Variants in RAF1 observed in about 807,000 individuals in gnomAD.
RAF1 encodes the protein Raf-1 proto-oncogene, serine/threonine kinase.
In RAF1, 27 loss-of-function variants were observed where a neutral mutation model predicts 81.1. The observed-to-expected ratio is 0.33, with a 90% CI of 0.25 to 0.46. RAF1 has a LOEUF of 0.46. Ranked by LOEUF, RAF1 falls within the 20% of genes least tolerant of loss-of-function variation. The probability of loss-of-function intolerance (pLI) is 1.00; values close to 1 mark genes in which losing one functional copy is unlikely to be tolerated. For synonymous variants in RAF1, 298 were observed against 294.0 expected (o/e 1.01, Z -0.14); for missense variants, 598 against 826.0 (o/e 0.72, Z 3.38).
At chr3:12,652,413 C>T (rs1317505347) in intron 1 of RAF1, among the ~76,000 whole-genome samples, 3 of 151,670 alleles carry the variant, frequency 2.0e-5, no homozygotes, top group African/African-American at 7.3e-5. Context: ...CCCAGCTACT[C>T]GGGAGGCTGA....
rs75556973 is a variant in RAF1 at position 12,619,858 on chromosome 3, G to A, written c.-26-1111C>T. ...AGCACTTTGGGAGGCCGAGATGGGC[G>A]GATCACAAGGTCAGGAGATCGAGAC... On this transcript the variant is annotated intron_variant, in intron 1 of 17. Transcript: ENST00000442415. Among the ~76,000 whole-genome samples the A allele has an allele frequency of 1.5e-4, 23 of 152,110 alleles. No homozygotes were observed. The East Asian group carries it at 3.9e-3, about 26-fold the overall frequency.
chr3:12,616,008 G>A (rs1157236087), intron 2 of RAF1, among the ~76,000 whole-genome samples: 4 of 151,760 alleles, frequency 2.6e-5, no homozygotes, highest in African/African-American at 9.7e-5. Flanking sequence ...GCCGAGATTG[G>A]GCCACTGCAC....
intron 1 of RAF1, 102 bp from the exon 2 acceptor site, chr3:12,618,849 T>C (rs942468509): frequency 2.3e-6 from 2 of 876,258 alleles, no homozygotes; most frequent in East Asian, 5.3e-5. Flanking sequence ...TGTGGGTTTT[T>C]AATGATACCT....
In RAF1 at chr3:12,607,270, C is replaced by T. The variant is rs1269928099; in HGVS notation, c.582-971G>A. 2.6e-5 allele frequency among the ~76,000 whole-genome samples: 4 copies of T among 152,146 alleles called. No homozygotes were observed. The South Asian group carries it at 6.2e-4, about 24-fold the overall frequency. On this transcript the variant is annotated intron_variant, in intron 5 of 17. Transcript: ENST00000442415. ...AACAATGCAAGGAAGGTAATATCCC[C>T]TTTATTCAGATGCATGAACGAAAAC... is the stretch of plus-strand genomic sequence containing the variant.
At chr3:12,656,878 T>C (rs2060710918) in intron 1 of RAF1, among the ~76,000 whole-genome samples, 1 of 151,738 alleles carries the variant, frequency 6.6e-6, no homozygotes, top group Admixed American at 6.6e-5. Context: ...ATGCCTGTAA[T>C]CCCTGCTACT....
At chr3:12,612,344 T>G (rs1232656026) in intron 2 of RAF1, among the ~76,000 whole-genome samples, 1 of 151,702 alleles carries the variant, frequency 6.6e-6, no homozygotes, top group Non-Finnish European at 1.5e-5. Context: ...AATAATAGAG[T>G]AAGATTATTT....
intron 2 of RAF1, among the ~76,000 whole-genome samples, chr3:12,617,878 C>CAAAA (rs1263362287): frequency 4.4e-5 from 4 of 90,062 alleles, no homozygotes; most frequent in African/African-American, 1.5e-4. Context: ...GAATCCGTCT[C>CAAAA]AAAAAAAAAA....
chr3:12,635,988 A>C (rs2060016845), intron 1 of RAF1, among the ~76,000 whole-genome samples: 1 of 147,540 alleles, frequency 6.8e-6, no homozygotes, highest in Non-Finnish European at 1.5e-5. Context: ...AAAAAACATT[A>C]ATAATGTTGT....
chr3:12,597,732 T>C (rs2058729207), intron 11 of RAF1, among the ~76,000 whole-genome samples: 1 of 151,988 alleles, frequency 6.6e-6, no homozygotes, highest in African/African-American at 2.4e-5. Flanking sequence ...CTAGGAAACA[T>C]GGCGAAACCC....
chr3:12,600,549 A>G (rs2058830805), intron 8 of RAF1, 134 bp from the exon 8 acceptor site: 5 of 973,552 alleles, frequency 5.1e-6, no homozygotes, highest in East Asian at 5.0e-5. Context: ...AATCCTAAAC[A>G]TACTCTAATC....
chr3:12,612,285 G>A (rs2059236964), intron 2 of RAF1, among the ~76,000 whole-genome samples: 1 of 152,144 alleles, frequency 6.6e-6, no homozygotes, highest in Admixed American at 6.5e-5. Flanking sequence ...ATAATGACCT[G>A]GATGGAGAGG....
intron 8 of RAF1, among the ~76,000 whole-genome samples, chr3:12,602,751 A>G (rs2058900494): frequency 6.6e-6 from 1 of 152,242 alleles, no homozygotes; most frequent in South Asian, 2.1e-4. Flanking sequence ...TAAAATTTAT[A>G]GCTTATACAT....
In RAF1 at chr3:12,585,137, G is replaced by C. The variant is rs1575531376; in HGVS notation, c.1713C>G (p.Ile571Met). The C allele has an allele frequency of 6.2e-7, 1 of 1,614,164 alleles. No individual in the cohort carries two copies. The highest frequency in any genetic ancestry group is 8.5e-7 in the Non-Finnish European group (1 of 1,180,028). Residue 571 changes from isoleucine (I) to methionine (M), a missense_variant, in exon 16 of 18, where the codon ATC becomes ATG. Coordinates refer to ENST00000442415, the MANE Select transcript of RAF1 (RefSeq NM_001354689.3). ...ACAGACTTACCTGATCTCGGTTGTTGATGTGAGAATAAGGAAGCTCCCCCG... is the reference window on the plus strand; with the variant it reads ...ACAGACTTACCTGATCTCGGTTGTTCATGTGAGAATAAGGAAGCTCCCCCG...
chr3:12,643,728 C>G (rs1236470899), intron 1 of RAF1, among the ~76,000 whole-genome samples: 1 of 148,730 alleles, frequency 6.7e-6, no homozygotes, highest in Non-Finnish European at 1.5e-5. Context: ...AAGAGCAAAA[C>G]TCTGTCTCAA....
chr3:12,595,023 A>C (rs2058642527), intron 11 of RAF1, among the ~76,000 whole-genome samples: 1 of 152,252 alleles, frequency 6.6e-6, no homozygotes, highest in South Asian at 2.1e-4. Context: ...ATCAATGAGC[A>C]AACATTATAG....
chr3:12,607,076 CTA>C (rs1164649494), intron 5 of RAF1, among the ~76,000 whole-genome samples: 4 of 152,308 alleles, frequency 2.6e-5, no homozygotes, highest in African/African-American at 7.2e-5. Context: ...ATTTCACAAA[CTA>C]TGTCACACAC....
intron 3 of RAF1, among the ~76,000 whole-genome samples, chr3:12,610,654 C>T (rs898045396): frequency 6.6e-6 from 1 of 152,182 alleles, no homozygotes; most frequent in African/African-American, 2.4e-5. Flanking sequence ...TTACACTCAC[C>T]CCTTCGAGTA....
In RAF1 at chr3:12,630,825, G is replaced by A. The variant is rs976609957; in HGVS notation, c.-26-12078C>T. The stretch of plus-strand genomic sequence containing the variant: ...TCTACCTTAGATTTTTTCTTTTGGA[G>A]ACAGGGTCTCACTTTGTCACCCAGA... On this transcript the variant is annotated intron_variant, in intron 1 of 17. Transcript: ENST00000442415. 4.6e-5 allele frequency among the ~76,000 whole-genome samples: 7 copies of A among 152,156 alleles called. 1 individual carries two copies. The highest frequency in any genetic ancestry group is 2.1e-4 in the South Asian group (1 of 4,826).
intron 1 of RAF1, among the ~76,000 whole-genome samples, chr3:12,650,254 G>A (rs889489986): frequency 6.6e-6 from 1 of 151,912 alleles, no homozygotes; most frequent in Non-Finnish European, 1.5e-5. Flanking sequence ...AGCCCAGGAG[G>A]TCGAGGCTGG....
Sources: gnomAD v4.1 joint callset for allele counts (sites outside exome capture counted in the v4.1 genomes callset) on GRCh38, gnomAD v4.1.1 for gene constraint, MANE v1.5 for transcripts, NCBI Gene and HGNC (gene_info 2026-07-23, HGNC 2026-07-21) for gene names.